CA5B: variants seen among roughly 807,000 people sequenced by gnomAD.
CA5B encodes the protein carbonic anhydrase 5B, also known as carbonic anhydrase 5B, mitochondrial.
CA5B carries 15 observed loss-of-function variants against 23.1 expected under a neutral mutation model. The ratio of observed to expected loss-of-function variants is 0.65; its 90% CI spans 0.43 to 1.00. The LOEUF (loss-of-function observed/expected upper bound fraction) is 1.00. CA5B is among the 50% of genes least tolerant of loss of function. The pLI is 0.00. For missense variants in CA5B, 236 were observed against 252.2 expected (o/e 0.94, Z 0.43); for synonymous variants, 84 against 98.5 (o/e 0.85, Z 0.87).
Position 15,784,752 on chromosome X carries a change from C to T in CA5B, c.*2088C>T, listed in dbSNP as rs759803763. Reference sequence around the variant, plus strand: ...AAGGAAGCAATCAACAAAGTGAAAACGCAAGCTCTAGAATGAGAGAAAATA... The same window carrying T: ...AAGGAAGCAATCAACAAAGTGAAAATGCAAGCTCTAGAATGAGAGAAAATA... On this transcript the variant is annotated 3_prime_UTR_variant, in exon 8 of 8. Coordinates refer to ENST00000318636, the MANE Select transcript of CA5B (RefSeq NM_007220.4). 6 of 112,016 alleles carry T rather than the reference C, an allele frequency of 5.4e-5. No individual in the cohort carries two copies. Among genetic ancestry groups the T allele is most frequent in the South Asian group, 3.7e-4 (1 of 2,711 alleles). 9.2% of individuals were successfully genotyped at this position (112,016 alleles called of 1,213,427 possible).
chrX:15,771,912 T>A (rs1678458156), intron 3 of CA5B, among the ~76,000 whole-genome samples: 1 of 111,519 alleles, frequency 9.0e-6, no homozygotes, highest in Admixed American at 9.6e-5. Flanking sequence ...TTTAGTAATT[T>A]TGAAATGTGC....
rs370199839 is a variant in CA5B, at chrX:15,774,365, A to T, written c.523A>T (p.Asn175Tyr). 5.0e-6 allele frequency: 6 copies of T among 1,204,928 alleles called. No individual in the cohort carries two copies. Among genetic ancestry groups the T allele is most frequent in the Middle Eastern group, 2.3e-4 (1 of 4,363 alleles). ...ENFEDAALEE[N>Y]GLAVIGVFLK... ...CTTTGAGGATGCAGCACTGGAAGAA[A>T]ATGGTTTGGCTGTGATAGGAGTATT... The change falls in exon 5 of 8, where the codon AAT becomes TAT. Residue 175 changes from asparagine (N) to tyrosine (Y), a missense_variant. Asn to Tyr is a moderately radical substitution (Grantham distance 143). Around this residue, in one of 3 missense-constraint regions of CA5B, gnomAD observed 170 missense variants for 162.0 expected, o/e 1.05. Coordinates refer to ENST00000318636, the MANE Select transcript of CA5B (RefSeq NM_007220.4).
chrX:15,772,602 C>T lies in CA5B; in HGVS notation c.447C>T (p.Cys149=). 8.5e-7 allele frequency: 1 copy of T among 1,172,224 alleles called. No homozygotes were observed. The highest frequency in any genetic ancestry group is 1.8e-5 in the South Asian group (1 of 55,052). ...WGSEHTVDSK[C]FPAELHLVHW... ...CTGAGCACACCGTGGACAGCAAATG[C>T]TTCCCAGCAGAGGTATGTTGAGAAG... The change falls in exon 4 of 8, where the codon TGC becomes TGT. Residue 149 remains cysteine, a synonymous_variant. Transcript: ENST00000318636.
At chrX:15,767,156 C>T in intron 3 of CA5B, 1 of 714,661 alleles carries the variant, frequency 1.4e-6, no homozygotes, top group Non-Finnish European at 1.7e-6. Flanking sequence ...CTTTTGAATT[C>T]TCAACCCCAT....
intron 3 of CA5B, among the ~76,000 whole-genome samples, chrX:15,770,763 A>G (rs1289195001): frequency 3.0e-5 from 3 of 101,033 alleles, no homozygotes; most frequent in African/African-American, 1.1e-4. Flanking sequence ...TTTCTTTTCT[A>G]TGTTTTATTT....
intron 5 of CA5B, 94 bp from the exon 6 acceptor site, chrX:15,775,152 A>T: frequency 1.7e-6 from 1 of 592,435 alleles, no homozygotes; most frequent in Non-Finnish European, 2.6e-6. Context: ...TTTTTATGTA[A>T]TCACCAGGTA....
intron 6 of CA5B, chrX:15,775,608 G>C (rs1412710004): frequency 1.2e-6 from 1 of 813,310 alleles, no homozygotes; most frequent in African/African-American, 2.2e-5. Flanking sequence ...ACCCAGAGCA[G>C]CCTTCTGTTC....
At position 15,782,473 on chromosome X, in the gene CA5B, T is replaced by C. The variant is rs774965649; in HGVS notation, c.775-12T>C. On this transcript the variant is annotated splice_polypyrimidine_tract_variant and intron_variant, in intron 7 of 7. Transcript: ENST00000318636. ...TGTTGAAATTATTTATGCTTTCTGT[T>C]TCTATTTCTAGCTTGAGCAATTTCG... 3 of 1,057,599 alleles carry C rather than the reference T, an allele frequency of 2.8e-6. No individual in the cohort carries two copies. The highest frequency in any genetic ancestry group is 3.9e-6 in the Non-Finnish European group (3 of 770,986). 87.2% of individuals were successfully genotyped at this position (1,057,599 alleles called of 1,213,427 possible).
At chrX:15,750,581 A>T (rs1385158635) in intron 2 of CA5B, 1 of 117,803 alleles carries the variant, frequency 8.5e-6, no homozygotes, top group African/African-American at 3.2e-5. Flanking sequence ...TCCACAAACC[A>T]CAAATTATTT....
chrX:15,773,555 G>A (rs970551318), intron 4 of CA5B, among the ~76,000 whole-genome samples: 7 of 108,598 alleles, frequency 6.4e-5, no homozygotes, highest in South Asian at 4.1e-4. Flanking sequence ...GACTACAAGC[G>A]CCCACCACTG....
At chrX:15,740,693 A>G (rs1210144923) in intron 1 of CA5B, among the ~76,000 whole-genome samples, 1 of 111,962 alleles carries the variant, frequency 8.9e-6, no homozygotes, top group Non-Finnish European at 1.9e-5. Flanking sequence ...GCTCCTGAGC[A>G]CCAGAGCTGT....
rs77098590 is a variant in CA5B at position 15,761,031 on chromosome X, T to C, written c.143-3547T>C. 7.2e-5 allele frequency among the ~76,000 whole-genome samples: 8 copies of C among 111,720 alleles called. No homozygotes were observed. The East Asian group carries it at 2.2e-3, about 31-fold the overall frequency. ...AACCAAATGTAACAGAAATTTAAGA[T>C]CATCTTTCCCTCTAAGATGAAAAAT... On this transcript the variant is annotated intron_variant, in intron 2 of 7. Coordinates refer to ENST00000318636, the MANE Select transcript of CA5B (RefSeq NM_007220.4).
At chrX:15,739,945 A>G (rs780595801) in intron 1 of CA5B, among the ~76,000 whole-genome samples, 1 of 112,209 alleles carries the variant, frequency 8.9e-6, no homozygotes, top group South Asian at 3.7e-4. Flanking sequence ...TTTTTTTCCA[A>G]TGTAATTGTA....
intron 1 of CA5B, among the ~76,000 whole-genome samples, chrX:15,740,558 T>C (rs912957854): frequency 2.6e-4 from 29 of 112,422 alleles, no homozygotes; most frequent in Non-Finnish European, 1.1e-4. Context: ...CTCTGCGCCT[T>C]CCTTGATTGC....
chrX:15,750,515 G>A (rs1001183587), intron 2 of CA5B: 2 of 140,722 alleles, frequency 1.4e-5, no homozygotes, highest in Non-Finnish European at 1.4e-5. Flanking sequence ...GGAACCTGTT[G>A]TTTATTATTT....
intron 2 of CA5B, among the ~76,000 whole-genome samples, chrX:15,762,422 A>G (rs1931622274): frequency 9.1e-6 from 1 of 109,940 alleles, no homozygotes; most frequent in South Asian, 3.9e-4. Context: ...GAGTAACAAA[A>G]CAACTACCTT....
chrX:15,746,202 C>T (rs1323407543), intron 1 of CA5B, among the ~76,000 whole-genome samples: 3 of 108,658 alleles, frequency 2.8e-5, no homozygotes, highest in South Asian at 4.1e-4. Context: ...CACGCCACCA[C>T]GCCCGGCTAA....
intron 2 of CA5B, among the ~76,000 whole-genome samples, chrX:15,753,775 GGTATGCACCT>G (rs1042200296): frequency 1.8e-5 from 2 of 111,688 alleles, no homozygotes; most frequent in African/African-American, 6.5e-5. Flanking sequence ...CAGGTGTGGT[GGTATGCACCT>G]GTAATCCCAG....
chrX:15,745,183 A>AAAAAGAAAAGAAAAG (rs58217589), intron 1 of CA5B, among the ~76,000 whole-genome samples: 9 of 86,778 alleles, frequency 1.0e-4, no homozygotes, highest in African/African-American at 3.7e-4. Context: ...AAAAAAAAAA[A>AAAAAGAAAAGAAAAG]AAAAGAAAAG....
Sources: allele counts gnomAD v4.1 joint callset (sites outside exome capture counted in the v4.1 genomes callset), GRCh38; gene constraint gnomAD v4.1.1; regional missense constraint gnomAD v4.1.1; transcripts MANE v1.5; gene names NCBI Gene and HGNC (gene_info 2026-07-23, HGNC 2026-07-21).